Variants in ASPH observed in about 807,000 individuals in gnomAD.
The protein encoded by ASPH is aspartate beta-hydroxylase.
In ASPH, 100 loss-of-function variants were observed where a neutral mutation model predicts 118.4. That is an observed-to-expected ratio of 0.84 (90% CI 0.72 to 1.00). The LOEUF (loss-of-function observed/expected upper bound fraction) is 1.00, where lower values mean the gene tolerates loss of function less well. ASPH is among the 50% of genes least tolerant of loss of function. The pLI, the probability that ASPH is intolerant of heterozygous loss-of-function variation, is 0.00. For synonymous variants in ASPH, 315 were observed against 325.6 expected (o/e 0.97, Z 0.35); for missense variants, 920 against 919.5 (o/e 1.00, Z -0.01).
At chr8:61,525,371 T>C (rs5022396) in intron 22 of ASPH, among the ~76,000 whole-genome samples, 118,920 of 143,992 alleles carry the variant, frequency 0.83, 47,254 homozygotes, top group Non-Finnish European at 0.86. Flanking sequence ...CACACACACA[T>C]ACACACACGC....
intron 10 of ASPH, among the ~76,000 whole-genome samples, chr8:61,641,619 C>G (rs1018610291): frequency 6.6e-6 from 1 of 152,140 alleles, no homozygotes; most frequent in Non-Finnish European, 1.5e-5. Context: ...GAAATAGCCA[C>G]TATAGATGAT....
chr8:61,630,038 C>T (rs754648500), intron 13 of ASPH, among the ~76,000 whole-genome samples: 1 of 152,120 alleles, frequency 6.6e-6, no homozygotes, highest in Non-Finnish European at 1.5e-5. Flanking sequence ...CTTAGCAGAG[C>T]GCCTACATAA....
chr8:61,622,463 C>A (rs566842660), intron 13 of ASPH, among the ~76,000 whole-genome samples: 34 of 152,322 alleles, frequency 2.2e-4, no homozygotes, highest in African/African-American at 7.9e-4. Context: ...TCCACCCAGG[C>A]CTGTTCATCC....
chr8:61,560,000 G>A (rs540527728), intron 18 of ASPH, among the ~76,000 whole-genome samples: 2 of 152,268 alleles, frequency 1.3e-5, no homozygotes, highest in South Asian at 4.1e-4. Flanking sequence ...AGAGATGACG[G>A]GTGCTTTGGT....
At chr8:61,581,262 T>C (rs1837421566) in intron 15 of ASPH, among the ~76,000 whole-genome samples, 1 of 152,238 alleles carries the variant, frequency 6.6e-6, no homozygotes, top group East Asian at 1.9e-4. Flanking sequence ...CCCTAAGTTT[T>C]TGTATAGCTC....
rs534800184 is a variant in ASPH, at chr8:61,637,389, A to G, written c.889+558T>C. 6.6e-5 allele frequency among the ~76,000 whole-genome samples: 10 copies of G among 152,330 alleles called. 1 individual carries two copies. The highest frequency in any genetic ancestry group is 3.4e-3 in the Middle Eastern group (1 of 294). ...TCCCTGTTTCTCAGTGCCTACTACG[A>G]GGAGCAACTGAAATAATATATGTGA... On this transcript the variant is annotated intron_variant, in intron 12 of 24. Coordinates refer to ENST00000379454, the MANE Select transcript of ASPH (RefSeq NM_004318.4).
At chr8:61,588,737 C>T (rs748678098) in intron 14 of ASPH, among the ~76,000 whole-genome samples, 3 of 152,162 alleles carry the variant, frequency 2.0e-5, no homozygotes, top group Non-Finnish European at 2.9e-5. Context: ...CACTGGGATG[C>T]CCTCCTAGCA....
intron 18 of ASPH, among the ~76,000 whole-genome samples, chr8:61,562,272 A>G (rs1472582566): frequency 9.6e-6 from 1 of 104,494 alleles, no homozygotes; most frequent in Admixed American, 1.0e-4. Flanking sequence ...GGATTTGAAG[A>G]GTCAGTGCCC....
chr8:61,672,330 T>C (rs1481292946), intron 3 of ASPH, among the ~76,000 whole-genome samples: 3 of 151,898 alleles, frequency 2.0e-5, no homozygotes, highest in Non-Finnish European at 2.9e-5. Flanking sequence ...ACTGAAAGAC[T>C]AAATAAGCAG....
chr8:61,681,043 T>A lies in ASPH; in HGVS notation c.254-7A>T. The A allele has an allele frequency of 6.3e-7, 1 of 1,587,464 alleles. No homozygotes were observed. The highest frequency in any genetic ancestry group is 8.6e-7 in the Non-Finnish European group (1 of 1,166,840). On this transcript the variant is annotated splice_polypyrimidine_tract_variant and splice_region_variant and intron_variant, in intron 2 of 24. Coordinates refer to ENST00000379454, the MANE Select transcript of ASPH (RefSeq NM_004318.4). ...TCATAGATTCCTAGTTTTCCTATAA[T>A]AGGGCAGAAATGATGGATATGGGAA...
intron 20 of ASPH, among the ~76,000 whole-genome samples, chr8:61,550,600 C>T (rs568097546): frequency 2.0e-5 from 3 of 152,242 alleles, no homozygotes; most frequent in Admixed American, 6.5e-5. Flanking sequence ...GTATGTTCTG[C>T]CTGGAGCCCA....
intron 18 of ASPH, among the ~76,000 whole-genome samples, chr8:61,558,873 C>T (rs968241401): frequency 5.9e-5 from 9 of 152,102 alleles, no homozygotes; most frequent in African/African-American, 1.7e-4. Flanking sequence ...GATTATCTTC[C>T]GCCTCTGCTG....
chr8:61,544,634 G>T (rs1348293537), intron 21 of ASPH, among the ~76,000 whole-genome samples: 1 of 152,114 alleles, frequency 6.6e-6, no homozygotes. Flanking sequence ...CTTCTTATAT[G>T]TAAGAAATGC....
chr8:61,691,024 G>A (rs937907398), intron 1 of ASPH, among the ~76,000 whole-genome samples: 1 of 152,036 alleles, frequency 6.6e-6, no homozygotes, highest in Admixed American at 6.6e-5. Context: ...AATAAATGAG[G>A]TGTTACTCTA....
At chr8:61,663,360 C>T in intron 3 of ASPH, 1 of 985,412 alleles carries the variant, frequency 1.0e-6, no homozygotes, top group Non-Finnish European at 1.2e-6. Flanking sequence ...ACCAGGCCAA[C>T]TGGAATTATC....
Position 61,622,612 on chromosome 8 carries a change from C to T in ASPH, c.935-3593G>A, listed in dbSNP as rs56058450. Among the ~76,000 whole-genome samples, 704 of 152,324 alleles carry T rather than the reference C, an allele frequency of 4.6e-3. 4 individuals are homozygous for T. The highest frequency in any genetic ancestry group is 7.8e-3 in the Non-Finnish European group (534 of 68,032). On this transcript the variant is annotated intron_variant, in intron 13 of 24. Transcript: ENST00000379454. ...CTTCTCTACTAGCACTTCCTTAGCT[C>T]ATGCTGTATCACCATCACCTATTAC...
rs567256159 is a variant in ASPH, at chr8:61,617,670, C to A, written c.976+1308G>T. Among the ~76,000 whole-genome samples, 21 of 152,092 alleles carry A rather than the reference C, an allele frequency of 1.4e-4. 1 individual carries two copies. In the South Asian group the frequency reaches 4.4e-3, roughly 32 times the overall value. ...CTAAGGCCAGGCACGGTGGTTCATG[C>A]CTGTAACCTCAGCACTTTGGGAGGC... On this transcript the variant is annotated intron_variant, in intron 14 of 24. Transcript: ENST00000379454.
chr8:61,528,602 T>G (rs1288821982), intron 21 of ASPH, among the ~76,000 whole-genome samples: 3 of 9,712 alleles, frequency 3.1e-4, no homozygotes, highest in Non-Finnish European at 7.2e-4. Flanking sequence ...AGCTGATCTT[T>G]TGTTACTAAA....
chr8:61,524,097 G>T (rs1234545557), intron 22 of ASPH, among the ~76,000 whole-genome samples: 1 of 152,170 alleles, frequency 6.6e-6, no homozygotes, highest in Admixed American at 6.5e-5. Flanking sequence ...AATCAATGTT[G>T]AAGCAACTAC....
Sources: allele counts gnomAD v4.1 joint callset (sites outside exome capture counted in the v4.1 genomes callset), GRCh38; gene constraint gnomAD v4.1.1; transcripts MANE v1.5; gene names NCBI Gene and HGNC (gene_info 2026-07-23, HGNC 2026-07-21).